The following ADGRL3 variants were observed in gnomAD, a reference collection of about 807,000 sequenced individuals.
ADGRL3 encodes the protein adhesion G protein-coupled receptor L3.
ADGRL3 carries 62 observed loss-of-function variants against 153.5 expected under a neutral mutation model. The observed-to-expected ratio is 0.40, with a 90% CI of 0.33 to 0.50. The LOEUF is 0.50. ADGRL3 is among the 20% of genes least tolerant of loss of function. The probability of loss-of-function intolerance (pLI) is 0.47; values close to 1 mark genes in which losing one functional copy is unlikely to be tolerated. For synonymous variants in ADGRL3, 710 were observed against 672.5 expected (o/e 1.06, Z -0.86); for missense variants, 1,641 against 1,859.4 (o/e 0.88, Z 2.16).
intron 4 of ADGRL3, among the ~76,000 whole-genome samples, chr4:61,537,768 A>C (rs2098665861): frequency 6.6e-6 from 1 of 152,176 alleles, no homozygotes; most frequent in Non-Finnish European, 1.5e-5. Flanking sequence ...CACTATACTA[A>C]GATTGCTTCG....
At chr4:61,375,233 G>T (rs1013111572) in intron 1 of ADGRL3, among the ~76,000 whole-genome samples, 37 of 152,050 alleles carry the variant, frequency 2.4e-4, no homozygotes, top group African/African-American at 8.7e-4. Context: ...ATTTTTCCTT[G>T]TATTTAATAG....
Position 61,711,801 on chromosome 4 carries a change from G to A in ADGRL3, c.584-18821G>A, listed in dbSNP as rs964265436. On this transcript the variant is annotated intron_variant, in intron 6 of 26. Coordinates refer to ENST00000683033, the MANE Select transcript of ADGRL3 (RefSeq NM_001387552.1). Reference sequence around the variant, plus strand: ...GTGGTTGGCGGAGACTTCACTACTTGTAATAAGACCAAGTTACAGTCTATT... The same window carrying A: ...GTGGTTGGCGGAGACTTCACTACTTATAATAAGACCAAGTTACAGTCTATT... Among the ~76,000 whole-genome samples, 7 of 151,926 alleles carry A rather than the reference G, an allele frequency of 4.6e-5. No homozygotes were observed. The East Asian group carries it at 1.4e-3, about 30-fold the overall frequency.
Position 61,421,266 on chromosome 4 carries a change from G to A in ADGRL3, c.-174+38077G>A, listed in dbSNP as rs141112695. 3.6e-4 allele frequency among the ~76,000 whole-genome samples: 55 copies of A among 152,142 alleles called. No individual in the cohort carries two copies. In the East Asian group the frequency reaches 7.2e-3, roughly 20 times the overall value. Reference sequence around the variant, plus strand: ...GGAGAATGGTGTGAACCCGGGAGGCGGAGCTTGCAGTGAGCCAAGAGCACG... The same window carrying A: ...GGAGAATGGTGTGAACCCGGGAGGCAGAGCTTGCAGTGAGCCAAGAGCACG... On this transcript the variant is annotated intron_variant, in intron 2 of 26. Transcript: ENST00000683033.
At chr4:61,833,518 G>A (rs937307165) in intron 9 of ADGRL3, among the ~76,000 whole-genome samples, 1 of 152,096 alleles carries the variant, frequency 6.6e-6, no homozygotes, top group African/African-American at 2.4e-5. Context: ...ATCATAGGGA[G>A]TCAAAGCTGT....
Position 61,396,731 on chromosome 4 carries a change from A to G in ADGRL3, c.-174+13542A>G, listed in dbSNP as rs183458252. On this transcript the variant is annotated intron_variant, in intron 2 of 26. Transcript: ENST00000683033. ...ATTATTAATGCATAAAGTAGTAACT[A>G]TAAATTTACTATAAATCTACTTTTT... is the stretch of plus-strand genomic sequence containing the variant. 1.4e-3 allele frequency among the ~76,000 whole-genome samples: 217 copies of G among 152,078 alleles called. 1 individual carries two copies. The highest frequency in any genetic ancestry group is 5.1e-3 in the African/African-American group (210 of 41,546).
At chr4:61,920,268 AATTAT>A (rs2098762739) in intron 13 of ADGRL3, among the ~76,000 whole-genome samples, 1 of 152,204 alleles carries the variant, frequency 6.6e-6, no homozygotes, top group African/African-American at 2.4e-5. Flanking sequence ...CTATTAAGGT[AATTAT>A]ATTAAGGTAA....
In ADGRL3 at chr4:61,376,059, T is replaced by A. The variant is rs572612860; in HGVS notation, c.-239-7065T>A. Among the ~76,000 whole-genome samples the A allele has an allele frequency of 3.9e-5, 6 of 152,298 alleles. No homozygotes were observed. In the South Asian group the frequency reaches 1.2e-3, roughly 32 times the overall value. On this transcript the variant is annotated intron_variant, in intron 1 of 26. Transcript: ENST00000683033. ...CTTCTTCCTAAAGCTTCTTAAGTAC[T>A]TAAATATAAATTATTGTTATATTTT...
At chr4:61,844,629 AGACT>A (rs1280102372) in intron 9 of ADGRL3, among the ~76,000 whole-genome samples, 2 of 139,588 alleles carry the variant, frequency 1.4e-5, no homozygotes, top group Admixed American at 7.7e-5. Flanking sequence ...AAGAGGGAAA[AGACT>A]GACTAAAACG....
chr4:62,044,436 C>T lies in ADGRL3; in HGVS notation c.3718-17C>T. 1.9e-6 allele frequency: 3 copies of T among 1,546,692 alleles called. No individual in the cohort carries two copies. Among genetic ancestry groups the T allele is most frequent in the East Asian group, 4.7e-5 (2 of 42,418 alleles). ...GCATCATGAGTTCATTTTCTTTCTG[C>T]CTTTTCCCCCACCCAGAGCCGAATC... On this transcript the variant is annotated splice_polypyrimidine_tract_variant and intron_variant, in intron 24 of 26. Coordinates refer to ENST00000683033, the MANE Select transcript of ADGRL3 (RefSeq NM_001387552.1).
At chr4:61,865,630 T>C (rs2098393113) in intron 9 of ADGRL3, among the ~76,000 whole-genome samples, 1 of 152,186 alleles carries the variant, frequency 6.6e-6, no homozygotes, top group South Asian at 2.1e-4. Flanking sequence ...GAACTTCATT[T>C]AAAGTAAGTT....
intron 21 of ADGRL3, among the ~76,000 whole-genome samples, chr4:62,007,475 T>C (rs965384252): frequency 1.3e-4 from 18 of 139,300 alleles, no homozygotes; most frequent in Non-Finnish European, 1.8e-4. Flanking sequence ...TGTGTGTATA[T>C]ATATATATAT....
At chr4:61,436,768 A>T (rs2097451685) in intron 2 of ADGRL3, among the ~76,000 whole-genome samples, 1 of 152,136 alleles carries the variant, frequency 6.6e-6, no homozygotes, top group African/African-American at 2.4e-5. Flanking sequence ...TGAAAATCAT[A>T]GTGGTAAGGT....
At chr4:61,454,311 AT>A (rs2097708942) in intron 2 of ADGRL3, among the ~76,000 whole-genome samples, 1 of 152,170 alleles carries the variant, frequency 6.6e-6, no homozygotes, top group Non-Finnish European at 1.5e-5. Context: ...ATATAGGTGC[AT>A]TTTGATTATT....
intron 1 of ADGRL3, among the ~76,000 whole-genome samples, chr4:61,209,838 A>G (rs1739087159): frequency 6.6e-6 from 1 of 152,210 alleles, no homozygotes; most frequent in African/African-American, 2.4e-5. Context: ...CATGTCAATC[A>G]TTCTTTAAGC....
rs191652510 is a variant in ADGRL3, at chr4:61,460,651, T to G, written c.-173-36470T>G. ...TATATAAAGAAAAAGGGGTTTAGTA[T>G]ACTCACAGTTCCACATGGCTGGGGA... On this transcript the variant is annotated intron_variant, in intron 2 of 26. Coordinates refer to ENST00000683033, the MANE Select transcript of ADGRL3 (RefSeq NM_001387552.1). Among the ~76,000 whole-genome samples, 16 of 152,180 alleles carry G rather than the reference T, an allele frequency of 1.1e-4. No homozygotes were observed. In the East Asian group the frequency reaches 2.5e-3, roughly 24 times the overall value.
intron 9 of ADGRL3, among the ~76,000 whole-genome samples, chr4:61,867,059 C>A (rs2098404687): frequency 6.6e-6 from 1 of 152,032 alleles, no homozygotes; most frequent in African/African-American, 2.4e-5. Context: ...CCTTCAAATC[C>A]TGTTTTTTAG....
At chr4:61,320,880 G>T (rs1361761684) in intron 1 of ADGRL3, among the ~76,000 whole-genome samples, 1 of 152,132 alleles carries the variant, frequency 6.6e-6, no homozygotes, top group East Asian at 1.9e-4. Flanking sequence ...GATGTTTTCA[G>T]GGCAGAGTTT....
intron 1 of ADGRL3, among the ~76,000 whole-genome samples, chr4:61,310,902 G>A (rs1188730342): frequency 6.6e-6 from 1 of 151,822 alleles, no homozygotes; most frequent in African/African-American, 2.4e-5. Context: ...TAGAAAGAGT[G>A]GAATGGATAT....
intron 5 of ADGRL3, among the ~76,000 whole-genome samples, chr4:61,658,872 T>C (rs943402612): frequency 3.3e-5 from 5 of 152,158 alleles, no homozygotes; most frequent in African/African-American, 1.2e-4. Flanking sequence ...CCTGTGTTGG[T>C]TTCCTAGAGC....
Sources: allele counts gnomAD v4.1 joint callset (sites outside exome capture counted in the v4.1 genomes callset), GRCh38; gene constraint gnomAD v4.1.1; transcripts MANE v1.5; gene names NCBI Gene and HGNC (gene_info 2026-07-23, HGNC 2026-07-21).